APOOL: variants seen among roughly 807,000 people sequenced by gnomAD.
The protein encoded by APOOL is apolipoprotein O like, also known as MICOS complex subunit MIC27.
APOOL carries 12 observed loss-of-function variants against 23.1 expected under a neutral mutation model. The observed-to-expected ratio is 0.52, with a 90% CI of 0.33 to 0.84. The LOEUF (loss-of-function observed/expected upper bound fraction) is 0.84. APOOL is among the 40% of genes least tolerant of loss of function. APOOL has a pLI of 0.02. For synonymous variants in APOOL, 77 were observed against 69.9 expected (o/e 1.10, Z -0.51); for missense variants, 212 against 199.6 (o/e 1.06, Z -0.37).
chrX:85,065,553 G>T (rs183203732), intron 5 of APOOL, among the ~76,000 whole-genome samples: 76 of 111,178 alleles, frequency 6.8e-4, no homozygotes, highest in Non-Finnish European at 1.2e-3. Flanking sequence ...CAGCGCAGGC[G>T]TGGTGGTGAT....
rs1924568159 is a variant in APOOL, at chrX:85,092,829, C to T, written c.*5151C>T. 9.1e-6 allele frequency: 3 copies of T among 330,093 alleles called. No homozygotes were observed. The highest frequency in any genetic ancestry group is 8.3e-4 in the Middle Eastern group (1 of 1,212). The allele number at this position is 330,093 out of a possible 1,213,427, so 27.2% of individuals were successfully genotyped here. Reference sequence around the variant, plus strand: ...GTGTACCTAAAAGAACACATGTTCTCATATGTTTCCAAAATACAAGAAGAT... The same window carrying T: ...GTGTACCTAAAAGAACACATGTTCTTATATGTTTCCAAAATACAAGAAGAT... On this transcript the variant is annotated 3_prime_UTR_variant, in exon 9 of 9. Coordinates refer to ENST00000373173, the MANE Select transcript of APOOL (RefSeq NM_198450.6).
At chrX:85,004,531 G>A (rs1320605141) in intron 1 of APOOL, among the ~76,000 whole-genome samples, 1 of 112,205 alleles carries the variant, frequency 8.9e-6, no homozygotes, top group Non-Finnish European at 1.9e-5. Flanking sequence ...AGTTCCCTAA[G>A]TAGTGTTTAA....
At chrX:85,008,726 A>T (rs181542327) in intron 1 of APOOL, among the ~76,000 whole-genome samples, 1 of 111,446 alleles carries the variant, frequency 9.0e-6, no homozygotes, top group Non-Finnish European at 1.9e-5. Context: ...CTTTGGTTGT[A>T]CACCTACTTT....
At chrX:85,026,579 T>C (rs746767145) in intron 1 of APOOL, among the ~76,000 whole-genome samples, 1 of 112,891 alleles carries the variant, frequency 8.9e-6, no homozygotes, top group Non-Finnish European at 1.9e-5. Context: ...AGTCATTTAT[T>C]AGTTCTTGCA....
chrX:85,005,395 C>CG (rs535050623), intron 1 of APOOL, among the ~76,000 whole-genome samples: 1,569 of 15,954 alleles, frequency 0.098, 275 homozygotes, highest in African/African-American at 0.24. Flanking sequence ...TCGTGATTCA[C>CG]CCCCCCCCCC....
chrX:85,040,566 A>G (rs1039027083), intron 1 of APOOL, among the ~76,000 whole-genome samples: 1 of 111,503 alleles, frequency 9.0e-6, no homozygotes, highest in Admixed American at 9.5e-5. Context: ...ACATAATTCC[A>G]CATTTCCAGA....
rs1924259143 is a variant in APOOL at position 85,085,521 on chromosome X, C to T, written c.719-2069C>T. Among the ~76,000 whole-genome samples, 3 of 111,840 alleles carry T rather than the reference C, an allele frequency of 2.7e-5. No individual in the cohort carries two copies. The Admixed American group carries it at 2.9e-4, about 11-fold the overall frequency. ...TGAAGTTACACATAGGTGTGTCACA[C>T]TGTAAAATACGTTTCAGAAAAGATA... On this transcript the variant is annotated intron_variant, in intron 8 of 8. Transcript: ENST00000373173.
intron 1 of APOOL, among the ~76,000 whole-genome samples, chrX:85,016,462 G>A (rs1399977915): frequency 9.1e-6 from 1 of 110,433 alleles, no homozygotes; most frequent in Non-Finnish European, 1.9e-5. Flanking sequence ...GATCATACAG[G>A]CACATCTTTT....
Position 85,088,316 on chromosome X carries a change from G to GTTCTTT in APOOL, c.*640_*641insCTTTTT, listed in dbSNP as rs1924432068. On this transcript the variant is annotated 3_prime_UTR_variant, in exon 9 of 9. Coordinates refer to ENST00000373173, the MANE Select transcript of APOOL (RefSeq NM_198450.6). The stretch of plus-strand genomic sequence containing the variant: ...TGTATGGAAAGGTGTGTTTCCCTCT[G>GTTCTTT]TTTTTTTTTTTTTTTTTTTTTTTTT... The GTTCTTT allele has an allele frequency of 4.4e-5, 1 of 22,533 alleles. No homozygotes were observed. The highest frequency in any genetic ancestry group is 7.9e-5 in the Non-Finnish European group (1 of 12,648). 1.9% of individuals were successfully genotyped at this position (22,533 alleles called of 1,213,427 possible).
At chrX:85,083,281 C>A (rs1380033185) in intron 8 of APOOL, among the ~76,000 whole-genome samples, 1 of 110,607 alleles carries the variant, frequency 9.0e-6, no homozygotes, top group Non-Finnish European at 1.9e-5. Flanking sequence ...AACAGCAGAC[C>A]CACAGATGAC....
chrX:85,053,797 C>T (rs975112136), intron 3 of APOOL, among the ~76,000 whole-genome samples: 2 of 111,219 alleles, frequency 1.8e-5, no homozygotes, highest in East Asian at 2.8e-4. Flanking sequence ...ATTTATGTTC[C>T]GATTTAAAAA....
At chrX:85,022,684 A>G (rs1372206484) in intron 1 of APOOL, among the ~76,000 whole-genome samples, 1 of 111,153 alleles carries the variant, frequency 9.0e-6, no homozygotes, top group African/African-American at 3.3e-5. Context: ...CAAGCACAAG[A>G]CAAGGATGCC....
chrX:85,079,738 T>C (rs1431630259), intron 8 of APOOL, among the ~76,000 whole-genome samples: 5 of 111,716 alleles, frequency 4.5e-5, no homozygotes. Context: ...TTTTGGTTGG[T>C]AGGCTATTAA....
chrX:85,083,895 TAAC>T (rs1924198262), intron 8 of APOOL, among the ~76,000 whole-genome samples: 1 of 111,524 alleles, frequency 9.0e-6, no homozygotes, highest in African/African-American at 3.3e-5. Context: ...CTATTTGTAA[TAAC>T]ACCAACTTTT....
intron 5 of APOOL, among the ~76,000 whole-genome samples, chrX:85,057,127 G>T (rs991141624): frequency 4.2e-4 from 46 of 110,430 alleles, no homozygotes; most frequent in African/African-American, 1.5e-3. Flanking sequence ...TGGACATTTG[G>T]GTTGTTTCCA....
chrX:85,012,135 G>T (rs755756301), intron 1 of APOOL, among the ~76,000 whole-genome samples: 1 of 111,369 alleles, frequency 9.0e-6, no homozygotes, highest in African/African-American at 3.3e-5. Context: ...TTATTGATTT[G>T]ATTCTCAGCT....
chrX:85,007,882 T>C lies in APOOL; in HGVS notation c.15+3955T>C, dbSNP rs753760361. 7.2e-4 allele frequency among the ~76,000 whole-genome samples: 81 copies of C among 112,125 alleles called. 1 individual carries two copies. Among genetic ancestry groups the C allele is most frequent in the African/African-American group, 2.5e-3 (77 of 30,881 alleles). ...TACTGCGCTAAGCTGTTGATACTCA[T>C]TATTTCATTTAATTCTCACTAAAAG... On this transcript the variant is annotated intron_variant, in intron 1 of 8. Coordinates refer to ENST00000373173, the MANE Select transcript of APOOL (RefSeq NM_198450.6).
In APOOL at chrX:85,090,167, T is replaced by C. The variant is rs1957575647; in HGVS notation, c.*2489T>C. The stretch of plus-strand genomic sequence containing the variant: ...GCAGATACACATTCAAAGTAGGAAA[T>C]AGCAGATAAAAATGTACACAAGATG... On this transcript the variant is annotated 3_prime_UTR_variant, in exon 9 of 9. Transcript: ENST00000373173. The C allele has an allele frequency of 9.0e-6, 1 of 110,703 alleles. No homozygotes were observed. Among genetic ancestry groups the C allele is most frequent in the Admixed American group, 9.7e-5 (1 of 10,329 alleles). 9.1% of individuals were successfully genotyped at this position (110,703 alleles called of 1,213,427 possible). A position where few individuals can be genotyped will look rare whatever the true frequency, so the allele number is the denominator to read the frequency against.
intron 1 of APOOL, among the ~76,000 whole-genome samples, chrX:85,027,952 AT>A (rs1914004355): frequency 1.8e-5 from 2 of 112,026 alleles, no homozygotes; most frequent in South Asian, 7.4e-4. Context: ...GCTACAAACA[AT>A]TGTGTACAGG....
Sources: gnomAD v4.1 joint callset for allele counts (sites outside exome capture counted in the v4.1 genomes callset) on GRCh38, gnomAD v4.1.1 for gene constraint, MANE v1.5 for transcripts, NCBI Gene and HGNC (gene_info 2026-07-23, HGNC 2026-07-21) for gene names.